The following TPD52 variants were observed in gnomAD, a reference collection of about 807,000 sequenced individuals.
The protein encoded by TPD52 is tumor protein D52.
Under a neutral mutation model 31.3 loss-of-function variants are expected in TPD52, and 17 were observed. The observed-to-expected ratio is 0.54, with a 90% CI of 0.37 to 0.82. The LOEUF is 0.82. TPD52 is among the 40% of genes least tolerant of loss of function. The probability of loss-of-function intolerance (pLI) is 0.00; values close to 1 mark genes in which losing one functional copy is unlikely to be tolerated. For missense variants in TPD52, 212 were observed against 240.1 expected, an observed-to-expected ratio of 0.88 and a Z score of 0.77; for synonymous variants, 83 against 89.6, an observed-to-expected ratio of 0.93 and a Z score of 0.42.
intron 1 of TPD52, among the ~76,000 whole-genome samples, chr8:80,090,027 G>A (rs933383662): frequency 1.3e-5 from 2 of 152,184 alleles, no homozygotes; most frequent in Non-Finnish European, 2.9e-5. Context: ...AGTGATGGTA[G>A]ATGTCAGATA....
chr8:80,113,268 G>GA (rs59954096), intron 1 of TPD52, among the ~76,000 whole-genome samples: 177 of 106,104 alleles, frequency 1.7e-3, no homozygotes, highest in Admixed American at 2.9e-3. Flanking sequence ...TTGTCAAAAA[G>GA]AAAAAAAAAA....
chr8:80,149,304 G>A (rs905300880), intron 1 of TPD52, among the ~76,000 whole-genome samples: 4 of 152,136 alleles, frequency 2.6e-5, no homozygotes, highest in African/African-American at 7.2e-5. Context: ...CCCTGCACAC[G>A]CTCTCCTTGC....
chr8:80,113,046 C>A (rs1176441361), intron 1 of TPD52, among the ~76,000 whole-genome samples: 2 of 152,112 alleles, frequency 1.3e-5, no homozygotes, highest in African/African-American at 4.8e-5. Context: ...CAACCTGTCA[C>A]AAGGTCAGGT....
intron 4 of TPD52, 63 bp downstream of exon 4, chr8:80,051,464 C>G (rs953195062): frequency 6.7e-7 from 1 of 1,495,954 alleles, no homozygotes; most frequent in Non-Finnish European, 9.3e-7. Context: ...GAAACAGATG[C>G]AACAACAATA....
intron 1 of TPD52, among the ~76,000 whole-genome samples, chr8:80,075,197 T>C (rs1431223234): frequency 6.6e-6 from 1 of 152,104 alleles, no homozygotes; most frequent in African/African-American, 2.4e-5. Flanking sequence ...CAGGATGGTC[T>C]CAATCTCCTG....
chr8:80,057,276 GAA>G (rs1388554936), intron 2 of TPD52, among the ~76,000 whole-genome samples: 4 of 152,170 alleles, frequency 2.6e-5, no homozygotes, highest in African/African-American at 9.7e-5. Flanking sequence ...AGCCACTGTG[GAA>G]CACAATTTGG....
chr8:80,086,101 C>CT (rs762805549), intron 1 of TPD52, among the ~76,000 whole-genome samples: 52,680 of 112,436 alleles, frequency 0.47, 11,295 homozygotes, highest in East Asian at 0.7. Context: ...GGTTTTTTTG[C>CT]TTTTTTTTTT....
chr8:80,080,748 G>A (rs553479610), intron 1 of TPD52: 5 of 1,079,058 alleles, frequency 4.6e-6, no homozygotes, highest in Admixed American at 4.8e-5. Context: ...GGCAGGGAGC[G>A]AGCTTTCCTC....
intron 1 of TPD52, among the ~76,000 whole-genome samples, chr8:80,168,869 TC>T (rs1811883985): frequency 6.6e-6 from 1 of 152,218 alleles, no homozygotes; most frequent in African/African-American, 2.4e-5. Flanking sequence ...TCCTCACTCA[TC>T]TTAGGCAGTC....
At chr8:80,163,900 TATCAA>T (rs1284198858) in intron 1 of TPD52, among the ~76,000 whole-genome samples, 2 of 152,056 alleles carry the variant, frequency 1.3e-5, no homozygotes, top group Non-Finnish European at 2.9e-5. Context: ...AAATTCTTAT[TATCAA>T]ATAATATCCA....
intron 1 of TPD52, chr8:80,119,781 A>T (rs1296764839): frequency 5.6e-6 from 2 of 357,394 alleles, no homozygotes; most frequent in Non-Finnish European, 1.1e-5. Flanking sequence ...TAGATCCACA[A>T]ATATAAAGGA....
chr8:80,063,275 A>C (rs1407575062), intron 2 of TPD52, among the ~76,000 whole-genome samples: 1 of 152,254 alleles, frequency 6.6e-6, no homozygotes, highest in African/African-American at 2.4e-5. Context: ...AAAAACATGA[A>C]GGGAAAGAAC....
chr8:80,160,394 G>A (rs1233757301), intron 1 of TPD52, among the ~76,000 whole-genome samples: 8 of 152,118 alleles, frequency 5.3e-5, no homozygotes, highest in Admixed American at 5.2e-4. Context: ...ACTGAAACAA[G>A]ATAATATGTA....
chr8:80,137,448 C>T (rs1809514072), intron 1 of TPD52, among the ~76,000 whole-genome samples: 1 of 151,764 alleles, frequency 6.6e-6, no homozygotes, highest in African/African-American at 2.4e-5. Context: ...AGATACGTGT[C>T]AGTTAAAACA....
intron 1 of TPD52, among the ~76,000 whole-genome samples, chr8:80,085,970 G>C (rs114090404): frequency 0.016 from 2,501 of 152,190 alleles, 64 homozygotes; most frequent in African/African-American, 0.057. Context: ...GTGAGAGGCA[G>C]ATGGACCGCT....
At chr8:80,124,945 CATGCCACAATAATGTTTGCT>C (rs1406562241) in intron 1 of TPD52, among the ~76,000 whole-genome samples, 1 of 152,228 alleles carries the variant, frequency 6.6e-6, no homozygotes, top group Non-Finnish European at 1.5e-5. Flanking sequence ...ATTGACATCC[CATGCCACAATAATGTTTGCT>C]ACAATCGATA....
rs111205661 is a variant in TPD52, at chr8:80,072,632, C to T, written c.20-8039G>A. Among the ~76,000 whole-genome samples, 515 of 98,238 alleles carry T rather than the reference C, an allele frequency of 5.2e-3. 136 individuals carry two copies. The highest frequency in any genetic ancestry group is 0.026 in the African/African-American group (371 of 14,452). 64.4% of individuals were successfully genotyped at this position (98,238 alleles called of 152,430 possible). A position where few individuals can be genotyped will look rare whatever the true frequency, so the allele number is the denominator to read the frequency against. ...GTATATACATGTACACATAGATATG[C>T]GTGTATATACATGTACACAGATATG... is the stretch of plus-strand genomic sequence containing the variant. On this transcript the variant is annotated intron_variant, in intron 1 of 7. Transcript: ENST00000518937.
intron 1 of TPD52, among the ~76,000 whole-genome samples, chr8:80,099,542 G>A (rs1196874960): frequency 3.5e-5 from 5 of 141,804 alleles, no homozygotes; most frequent in East Asian, 4.1e-4. Flanking sequence ...ATGAAGTCTC[G>A]CTCTGTCACC....
rs1165653144 is a variant in TPD52 at position 80,037,883 on chromosome 8, T to G, written c.*233A>C. 2 of 421,062 alleles carry G rather than the reference T, an allele frequency of 4.7e-6. No homozygotes were observed. The highest frequency in any genetic ancestry group is 8.4e-6 in the Non-Finnish European group (2 of 239,418). 26.1% of individuals were successfully genotyped at this position (421,062 alleles called of 1,614,324 possible). Reference sequence around the variant, plus strand: ...TGTCCCCATTTACTATAAGTGTTTTTATAATGGTGTTTCCTAAATAAAGGA... The same window carrying G: ...TGTCCCCATTTACTATAAGTGTTTTGATAATGGTGTTTCCTAAATAAAGGA... On this transcript the variant is annotated 3_prime_UTR_variant, in exon 8 of 8. Transcript: ENST00000518937.
Sources: allele counts gnomAD v4.1 joint callset (sites outside exome capture counted in the v4.1 genomes callset), GRCh38; gene constraint gnomAD v4.1.1; transcripts MANE v1.5; gene names NCBI Gene and HGNC (gene_info 2026-07-23, HGNC 2026-07-21).